The following GATAD1 variants were observed in gnomAD, a reference collection of about 807,000 sequenced individuals.
The protein encoded by GATAD1 is GATA zinc finger domain-containing protein 1.
In GATAD1, 12 loss-of-function variants were observed where a neutral mutation model predicts 26.5. The ratio of observed to expected loss-of-function variants is 0.45; its 90% CI spans 0.29 to 0.73. GATAD1 has a LOEUF of 0.73. Ranked by LOEUF, GATAD1 falls within the 30% of genes least tolerant of loss-of-function variation. The pLI is 0.10. For synonymous variants in GATAD1, 129 were observed against 133.1 expected (o/e 0.97, Z 0.21); for missense variants, 266 against 342.1 (o/e 0.78, Z 1.75).
At chr7:92,478,637 G>C in the GATAD1 span, among the ~76,000 whole-genome samples, 1 of 152,194 alleles carries the variant, frequency 6.6e-6, no homozygotes, top group African/African-American at 2.4e-5. Flanking sequence ...AAGTTATTAA[G>C]AAATAGTTTT....
At position 92,454,257 on chromosome 7, in the gene GATAD1, T is replaced by C. The variant is rs774408171; in HGVS notation, c.436-245T>C. On this transcript the variant is annotated intron_variant, in intron 3 of 4. Transcript: ENST00000287957. ...ACGGCAATATAAAATCAAAATACTT[T>C]ATGAACAAATCTTTTCTCCAGATGT... The C allele has an allele frequency of 1.4e-4, 60 of 431,696 alleles. 1 individual carries two copies. The Middle Eastern group carries it at 1.8e-3, about 13-fold the overall frequency. The allele number at this position is 431,696 out of a possible 1,614,324, so 26.7% of individuals were successfully genotyped here. A position where few individuals can be genotyped will look rare whatever the true frequency, so the allele number is the denominator to read the frequency against.
chr7:92,447,496 C>A lies in GATAD1; in HGVS notation c.-234C>A. 2.8e-6 allele frequency: 1 copy of A among 352,742 alleles called. No homozygotes were observed. Among genetic ancestry groups the A allele is most frequent in the Non-Finnish European group, 4.9e-6 (1 of 202,080 alleles). 21.9% of individuals were successfully genotyped at this position (352,742 alleles called of 1,614,324 possible). ...CGGCCAGATCCCTTTCCCAGTCCTG[C>A]TTCCCAGTGCCTCGGGCCAGGGAAT... On this transcript the variant is annotated 5_prime_UTR_variant, in exon 1 of 5. Coordinates refer to ENST00000287957, the MANE Select transcript of GATAD1 (RefSeq NM_021167.5).
rs978587545 is a variant in GATAD1 at position 92,459,289 on chromosome 7, C to A, written c.*2727C>A. Reference sequence around the variant, plus strand: ...AATAAGTAACAGATTTTAGGAAAATCAAAAAATGGCTAATAAAATGAACAC... The same window carrying A: ...AATAAGTAACAGATTTTAGGAAAATAAAAAAATGGCTAATAAAATGAACAC... On this transcript the variant is annotated 3_prime_UTR_variant, in exon 5 of 5. Coordinates refer to ENST00000287957, the MANE Select transcript of GATAD1 (RefSeq NM_021167.5). 7.3e-5 allele frequency: 11 copies of A among 150,282 alleles called. No individual in the cohort carries two copies. Among genetic ancestry groups the A allele is most frequent in the African/African-American group, 2.2e-4 (9 of 40,984 alleles). The allele number at this position is 150,282 out of a possible 1,614,324, so 9.3% of individuals were successfully genotyped here. A position where few individuals can be genotyped will look rare whatever the true frequency, so the allele number is the denominator to read the frequency against.
the GATAD1 span, among the ~76,000 whole-genome samples, chr7:92,492,044 T>G: frequency 1.4e-3 from 212 of 152,354 alleles, no homozygotes; most frequent in African/African-American, 4.8e-3. Context: ...AAGTCTATAA[T>G]GTAACAGTTC....
chr7:92,481,497 G>A, the GATAD1 span, among the ~76,000 whole-genome samples: 1 of 152,224 alleles, frequency 6.6e-6, no homozygotes, highest in African/African-American at 2.4e-5. Flanking sequence ...GCTACCGCAT[G>A]GAGACATGAT....
the GATAD1 span, chr7:92,487,604 G>A: frequency 1.4e-6 from 1 of 709,556 alleles, no homozygotes; most frequent in Non-Finnish European, 2.4e-6. Flanking sequence ...AAAAGATAAT[G>A]GATTGTTGGC....
chr7:92,472,584 A>C, the GATAD1 span: 1 of 152,228 alleles, frequency 6.6e-6, no homozygotes. Context: ...AGCCACTTCT[A>C]CTTCAGTTGT....
chr7:92,485,658 G>A, the GATAD1 span, among the ~76,000 whole-genome samples: 1 of 152,210 alleles, frequency 6.6e-6, no homozygotes, highest in African/African-American at 2.4e-5. Flanking sequence ...GAATTCCACT[G>A]TGACTTCCCA....
At position 92,456,738 on chromosome 7, in the gene GATAD1, AG is replaced by A; in HGVS notation, c.*178del. The A allele has an allele frequency of 2.1e-6, 1 of 481,768 alleles. No individual in the cohort carries two copies. Among genetic ancestry groups the A allele is most frequent in the Non-Finnish European group, 3.6e-6 (1 of 275,790 alleles). 29.8% of individuals were successfully genotyped at this position (481,768 alleles called of 1,614,324 possible). A position where few individuals can be genotyped will look rare whatever the true frequency, so the allele number is the denominator to read the frequency against. The stretch of plus-strand genomic sequence containing the variant: ...TTCTTAGTACCACAAGATATGTCAT[AG>A]GTATCTTTAAATGAAATTCTTAGCT... On this transcript the variant is annotated 3_prime_UTR_variant, in exon 5 of 5. Coordinates refer to ENST00000287957, the MANE Select transcript of GATAD1 (RefSeq NM_021167.5).
chr7:92,490,164 G>A, the GATAD1 span: 17 of 502,458 alleles, frequency 3.4e-5, no homozygotes, highest in Non-Finnish European at 5.7e-5. Context: ...TAACTTTGTT[G>A]CTTAAATCCA....
At chr7:92,480,864 T>C in the GATAD1 span, among the ~76,000 whole-genome samples, 2 of 151,732 alleles carry the variant, frequency 1.3e-5, no homozygotes, top group Admixed American at 6.6e-5. Flanking sequence ...TTGAGAAGAG[T>C]TTTTATTAAA....
At chr7:92,490,040 T>A in the GATAD1 span, 2 of 761,380 alleles carry the variant, frequency 2.6e-6, no homozygotes, top group East Asian at 5.3e-5. Context: ...TACATGTTAA[T>A]TAACTGAAAT....
the GATAD1 span, among the ~76,000 whole-genome samples, chr7:92,474,383 T>C: frequency 5.2e-3 from 793 of 152,302 alleles, 11 homozygotes; most frequent in African/African-American, 0.018. Flanking sequence ...TCCCTTAGTC[T>C]CTCCAGAAAG....
In GATAD1 at chr7:92,456,543, C is replaced by T; in HGVS notation, c.791C>T (p.Ser264Leu). ...ACTCCTGCAATAACAATTAAGGAAT[C>T]AGTTGCCAACCATTTGTAGTTCACA... is the stretch of plus-strand genomic sequence containing the variant. Reference protein sequence around the residue: ...GPTPAITIKESVANHL With the variant: ...GPTPAITIKELVANHL Residue 264 changes from serine to leucine, a missense_variant, in exon 5 of 5, where the codon TCA becomes TTA. Coordinates refer to ENST00000287957, the MANE Select transcript of GATAD1 (RefSeq NM_021167.5). 4.3e-6 allele frequency: 7 copies of T among 1,611,188 alleles called. No homozygotes were observed. The highest frequency in any genetic ancestry group is 5.1e-6 in the Non-Finnish European group (6 of 1,178,358).
the GATAD1 span, chr7:92,472,685 T>C: frequency 6.6e-6 from 1 of 152,226 alleles, no homozygotes; most frequent in East Asian, 1.9e-4. Flanking sequence ...GAATCCATTT[T>C]CGGCAGAAAC....
chr7:92,460,296 G>T (rs995968683), downstream of GATAD1, among the ~76,000 whole-genome samples: 2 of 152,124 alleles, frequency 1.3e-5, no homozygotes, highest in African/African-American at 4.8e-5. Context: ...TGTGGATTTT[G>T]TCTGGCTGCC....
the GATAD1 span, among the ~76,000 whole-genome samples, chr7:92,482,385 C>T: frequency 6.6e-6 from 1 of 152,180 alleles, no homozygotes; most frequent in African/African-American, 2.4e-5. Context: ...GGTGCAGATT[C>T]TGAACTAACC....
At chr7:92,469,478 C>T in the GATAD1 span, 2 of 767,568 alleles carry the variant, frequency 2.6e-6, no homozygotes, top group Non-Finnish European at 4.8e-6. Flanking sequence ...AAATCTTGTT[C>T]AGTGTAGATG....
At chr7:92,486,596 T>A in the GATAD1 span, among the ~76,000 whole-genome samples, 1 of 152,262 alleles carries the variant, frequency 6.6e-6, no homozygotes, top group South Asian at 2.1e-4. Context: ...TTGAACCTCC[T>A]GGGAGCAAGT....
Sources: allele counts gnomAD v4.1 joint callset (sites outside exome capture counted in the v4.1 genomes callset), GRCh38; gene constraint gnomAD v4.1.1; transcripts MANE v1.5; gene names NCBI Gene and HGNC (gene_info 2026-07-23, HGNC 2026-07-21).